Variants in GIT1 observed in about 807,000 individuals in gnomAD.
GIT1 encodes GIT ArfGAP 1.
In GIT1, 14 loss-of-function variants were observed where a neutral mutation model predicts 91.7. The ratio of observed to expected loss-of-function variants is 0.15; its 90% CI spans 0.10 to 0.24. The LOEUF (loss-of-function observed/expected upper bound fraction) is 0.24. Among genes scored for constraint, GIT1 ranks in the 10% least tolerant of loss-of-function variants. GIT1 has a pLI of 1.00. For missense variants in GIT1, 717 were observed against 1,024.9 expected, an observed-to-expected ratio of 0.70 and a Z score of 4.10; for synonymous variants, 414 against 418.2, an observed-to-expected ratio of 0.99 and a Z score of 0.12.
intron 1 of GIT1, among the ~76,000 whole-genome samples, chr17:29,587,242 G>C (rs1265286462): frequency 6.6e-6 from 1 of 152,138 alleles, no homozygotes; most frequent in Non-Finnish European, 1.5e-5. Flanking sequence ...CTGCATGCCA[G>C]GGCCAGCATC....
chr17:29,575,852 G>T lies in GIT1; in HGVS notation c.1712C>A (p.Ser571Tyr), dbSNP rs776228670. ...CTCCTGGGAGCAGGACAGCAGCGGG[G>T]AGGAGGGAGTGAAGGGCACAGCTGA... Reference protein sequence around the residue: ...SASAVPFTPSSPLLSCSQEGS... With the variant: ...SASAVPFTPSYPLLSCSQEGS... Residue 571 changes from serine to tyrosine, a missense_variant, in exon 16 of 20, where the codon TCC becomes TAC. Around this residue, in one of 3 missense-constraint regions of GIT1, gnomAD observed 312 missense variants for 349.5 expected, o/e 0.89. Coordinates refer to ENST00000225394, the MANE Select transcript of GIT1 (RefSeq NM_014030.4). The surrounding 1 kb of genome is among the most constrained non-coding windows in gnomAD (Gnocchi z 5.5). 17 of 1,612,398 alleles carry T rather than the reference G, an allele frequency of 1.1e-5. No homozygotes were observed. Among genetic ancestry groups the T allele is most frequent in the Non-Finnish European group, 1.4e-5 (17 of 1,179,338 alleles).
intron 1 of GIT1, among the ~76,000 whole-genome samples, chr17:29,585,562 TG>T (rs1030995313): frequency 3.3e-5 from 5 of 152,138 alleles, no homozygotes; most frequent in African/African-American, 1.2e-4. Context: ...TCCCCCAGCC[TG>T]GGGGAGGGGT....
chr17:29,579,141 C>G, intron 7 of GIT1: 1 of 670,422 alleles, frequency 1.5e-6, no homozygotes, highest in Non-Finnish European at 2.7e-6. Context: ...CTCACCGCGT[C>G]CCCCACCCCT....
At chr17:29,582,636 C>T in intron 4 of GIT1, 62 bp downstream of exon 4, 2 of 1,163,954 alleles carry the variant, frequency 1.7e-6, no homozygotes, top group Non-Finnish European at 2.6e-6. Flanking sequence ...GAGAGGCCTT[C>T]AGAGAGTCGT....
chr17:29,579,110 A>G, intron 7 of GIT1: 2 of 828,528 alleles, frequency 2.4e-6, no homozygotes, highest in East Asian at 2.4e-5. Context: ...CCCGGCCCAG[A>G]AGGGACAAAG....
chr17:29,576,272 C>T lies in GIT1; in HGVS notation c.1559G>A (p.Gly520Glu), dbSNP rs1567769206. Residue 520 changes from glycine (G) to glutamate (E), a missense_variant, in exon 14 of 20, where the codon GGG becomes GAG. By Grantham distance (98) the Gly-to-Glu change is moderately conservative. This residue lies in a region of GIT1 where 312 missense variants were observed against 349.5 expected (regional missense o/e 0.89). Coordinates refer to ENST00000225394, the MANE Select transcript of GIT1 (RefSeq NM_014030.4). ...YEPGSALKPF[G>E]GPPGDELTTR... ...AGTGAGCTCGTCCCCAGGGGGGCCC[C>T]CAAAGGGCTTCAGGGCAGAGCCAGG... 6.2e-7 allele frequency: 1 copy of T among 1,611,616 alleles called. No homozygotes were observed. The highest frequency in any genetic ancestry group is 8.5e-7 in the Non-Finnish European group (1 of 1,178,854).
intron 1 of GIT1, among the ~76,000 whole-genome samples, chr17:29,584,340 G>A (rs1479621493): frequency 1.3e-5 from 2 of 152,364 alleles, no homozygotes; most frequent in East Asian, 3.9e-4. Flanking sequence ...AGAATTGCCA[G>A]GATGTGGCAC....
Position 29,583,674 on chromosome 17 carries a change from C to T in GIT1, c.53-58G>A, listed in dbSNP as rs958533423. 1.0e-5 allele frequency: 16 copies of T among 1,525,284 alleles called. No homozygotes were observed. The Middle Eastern group carries it at 1.7e-3, about 161-fold the overall frequency. The allele number at this position is 1,525,284 out of a possible 1,614,324, so 94.5% of individuals were successfully genotyped here. A position where few individuals can be genotyped will look rare whatever the true frequency, so the allele number is the denominator to read the frequency against. ...CAGATGATGGGCCAGACCTCCTGAG[C>T]ACCTGCTCTGGCCCGTGCCAAGCCT... On this transcript the variant is annotated intron_variant, in intron 1 of 19. Coordinates refer to ENST00000225394, the MANE Select transcript of GIT1 (RefSeq NM_014030.4).
Position 29,581,557 on chromosome 17 carries a change from C to A in GIT1, c.719-177G>T, listed in dbSNP as rs2033395645. On this transcript the variant is annotated intron_variant, in intron 6 of 19. Transcript: ENST00000225394. This position sits in a 1 kb window ranked among gnomAD's most constrained non-coding sequence, Gnocchi z 4.8. ...TGGGAGGATGCAGGATGCCCACCCC[C>A]ACTCCCTAGCCCCAGCGATGCTATG... 1.3e-5 allele frequency: 9 copies of A among 701,784 alleles called. No individual in the cohort carries two copies. Among genetic ancestry groups the A allele is most frequent in the Non-Finnish European group, 2.0e-5 (8 of 397,728 alleles). The allele number at this position is 701,784 out of a possible 1,614,324, so 43.5% of individuals were successfully genotyped here.
chr17:29,574,881 G>T lies in GIT1; in HGVS notation c.2107C>A (p.Arg703=), dbSNP rs1363128714. 1.3e-6 allele frequency: 2 copies of T among 1,578,564 alleles called. No homozygotes were observed. Among genetic ancestry groups the T allele is most frequent in the Non-Finnish European group, 8.6e-7 (1 of 1,165,434 alleles). ...CGGTAGGCGCTGGCGTTGAGCAGCC[G>T]CAGTGAGCTCCGCACTGGCTCCAGG... is the stretch of plus-strand genomic sequence containing the variant. ...PALEPVRSSL[R]LLNASAYRLQ... Residue 703 remains arginine (R), a synonymous_variant, in exon 20 of 20, where the codon CGG becomes AGG. Coordinates refer to ENST00000225394, the MANE Select transcript of GIT1 (RefSeq NM_014030.4).
rs758941096 is a variant in GIT1, at chr17:29,576,146, A to G, written c.1612-15T>C. On this transcript the variant is annotated splice_polypyrimidine_tract_variant and intron_variant, in intron 14 of 19. Coordinates refer to ENST00000225394, the MANE Select transcript of GIT1 (RefSeq NM_014030.4). ...TCCTCTAGCTCCTGGGGATGTTAGC[A>G]CAGCGAGCGTCATGGTGGACCCTGC... 1 of 1,613,506 alleles carries G rather than the reference A, an allele frequency of 6.2e-7. No homozygotes were observed. Among genetic ancestry groups the G allele is most frequent in the Non-Finnish European group, 8.5e-7 (1 of 1,179,790 alleles).
At chr17:29,583,335 G>T (rs1029775403) in intron 2 of GIT1, 148 bp downstream of exon 2, 1 of 754,150 alleles carries the variant, frequency 1.3e-6, no homozygotes, top group Non-Finnish European at 2.1e-6. Flanking sequence ...GGAGGAAAGG[G>T]TCAGGATTAG....
chr17:29,577,765 G>T, intron 9 of GIT1, 23 bp from the exon 10 acceptor site: 3 of 1,469,648 alleles, frequency 2.0e-6, no homozygotes, highest in Non-Finnish European at 2.9e-6. Context: ...GACAGGAGCA[G>T]ATCAGCCACG....
rs747334658 is a variant in GIT1 at position 29,575,942 on chromosome 17, GC to G, written c.1666-45del. 6 of 1,550,276 alleles carry G rather than the reference GC, an allele frequency of 3.9e-6. No individual in the cohort carries two copies. The highest frequency in any genetic ancestry group is 1.7e-4 in the Middle Eastern group (1 of 5,956). ...CTGGATGGAGTCAGTGTGCCCCACT[GC>G]CCCCCTGCTCACCAGCAGTGCAGCA... On this transcript the variant is annotated intron_variant, in intron 15 of 19. Transcript: ENST00000225394. This position sits in a 1 kb window ranked among gnomAD's most constrained non-coding sequence, Gnocchi z 5.5.
At chr17:29,578,857 C>T in intron 7 of GIT1, 78 bp from the exon 8 acceptor site, 1 of 1,561,550 alleles carries the variant, frequency 6.4e-7, no homozygotes, top group Non-Finnish European at 8.8e-7. Context: ...GCAACCTCCC[C>T]AACATGCAGG....
At chr17:29,584,274 G>GA in intron 1 of GIT1, among the ~76,000 whole-genome samples, 1 of 152,376 alleles carries the variant, frequency 6.6e-6, no homozygotes, top group African/African-American at 2.4e-5. Context: ...CTGTGATGAA[G>GA]AAACAGTGGC....
In GIT1 at chr17:29,577,660, T is replaced by C. The variant is rs1326041044; in HGVS notation, c.966A>G (p.Ser322=). 1 of 1,608,080 alleles carries C rather than the reference T, an allele frequency of 6.2e-7. No homozygotes were observed. The highest frequency in any genetic ancestry group is 8.5e-7 in the Non-Finnish European group (1 of 1,174,952). The change falls in exon 10 of 20, where the codon TCA becomes TCG. Residue 322 remains serine, a synonymous_variant. Coordinates refer to ENST00000225394, the MANE Select transcript of GIT1 (RefSeq NM_014030.4). Reference sequence around the variant, plus strand: ...GCCCCCTCACCTGATTCCGCGTGGCTGAGTATTCCGGGTTAACAGGCAGGA... The same window carrying C: ...GCCCCCTCACCTGATTCCGCGTGGCCGAGTATTCCGGGTTAACAGGCAGGA... The part of the protein sequence containing the change: ...VPFLPVNPEY[S]ATRNQGRQKL...
At chr17:29,587,333 T>C (rs1209150888) in intron 1 of GIT1, among the ~76,000 whole-genome samples, 1 of 152,156 alleles carries the variant, frequency 6.6e-6, no homozygotes, top group African/African-American at 2.4e-5. Context: ...GTGCCTGCCA[T>C]GTGCTGGACA....
At chr17:29,576,191 C>A (rs775613001) in intron 14 of GIT1, 29 bp downstream of exon 14, 1 of 1,609,358 alleles carries the variant, frequency 6.2e-7, no homozygotes, top group Non-Finnish European at 8.5e-7. Flanking sequence ...ACCCATCTCC[C>A]CACACCTTGA....
Sources: allele counts gnomAD v4.1 joint callset (sites outside exome capture counted in the v4.1 genomes callset), GRCh38; gene constraint gnomAD v4.1.1; regional missense constraint gnomAD v4.1.1; non-coding constraint Gnocchi (gnomAD v3.1); transcripts MANE v1.5; gene names NCBI Gene and HGNC (gene_info 2026-07-23, HGNC 2026-07-21).